MAPK8IP3: variants seen among roughly 807,000 people sequenced by gnomAD.
The protein encoded by MAPK8IP3 is C-Jun-amino-terminal kinase-interacting protein 3.
A neutral mutation model predicts 157.8 loss-of-function variants in MAPK8IP3; 49 were observed. The observed-to-expected ratio is 0.31, with a 90% CI of 0.25 to 0.39. MAPK8IP3 has a LOEUF of 0.39. Among genes scored for constraint, MAPK8IP3 ranks in the 10% least tolerant of loss-of-function variants. The pLI, the probability that MAPK8IP3 is intolerant of heterozygous loss-of-function variation, is 1.00. For missense variants in MAPK8IP3, 1,478 were observed against 1,889.4 expected (o/e 0.78, Z 4.04); for synonymous variants, 897 against 777.7 (o/e 1.15, Z -2.55).
chr16:1,739,903 CCT>C (rs1268994830), intron 4 of MAPK8IP3, among the ~76,000 whole-genome samples: 1 of 82,438 alleles, frequency 1.2e-5, no homozygotes, highest in Non-Finnish European at 2.3e-5. Flanking sequence ...TGTGAGCATC[CCT>C]GTGACCGTCC....
At chr16:1,762,543 T>A in intron 14 of MAPK8IP3, 62 bp downstream of exon 14, 1 of 1,598,926 alleles carries the variant, frequency 6.3e-7, no homozygotes, top group Non-Finnish European at 8.5e-7. Flanking sequence ...GGACTGCGGC[T>A]CCCTCCTCTG....
intron 4 of MAPK8IP3, among the ~76,000 whole-genome samples, chr16:1,738,837 G>C (rs1299628955): frequency 4.2e-5 from 6 of 143,032 alleles, no homozygotes; most frequent in Non-Finnish European, 6.1e-5. Flanking sequence ...GTCCGTGTGA[G>C]CGTCCGTGTG....
intron 1 of MAPK8IP3, among the ~76,000 whole-genome samples, chr16:1,716,124 C>A (rs1220762750): frequency 1.3e-5 from 2 of 152,130 alleles, no homozygotes; most frequent in African/African-American, 4.8e-5. Context: ...AAGAACTTTC[C>A]TGGCCATTGC....
chr16:1,748,579 T>A, intron 7 of MAPK8IP3, 23 bp from the exon 8 acceptor site: 2 of 1,592,008 alleles, frequency 1.3e-6, no homozygotes, highest in Non-Finnish European at 8.6e-7. Flanking sequence ...CTGCTCTCTC[T>A]CCCGACCTGT....
intron 4 of MAPK8IP3, among the ~76,000 whole-genome samples, chr16:1,735,919 C>T (rs1255322489): frequency 1.4e-4 from 15 of 104,590 alleles, no homozygotes; most frequent in Admixed American, 3.3e-4. Context: ...TGTGACCATC[C>T]GTGAGCATCC....
Position 1,710,997 on chromosome 16 carries a change from G to T in MAPK8IP3, c.318+4340G>T, listed in dbSNP as rs549461081. On this transcript the variant is annotated intron_variant, in intron 1 of 31. Coordinates refer to ENST00000610761, the MANE Select transcript of MAPK8IP3 (RefSeq NM_001318852.2). This position sits in a 1 kb window ranked among gnomAD's most constrained non-coding sequence, Gnocchi z 4.1. ...CAGAGGCCGAAGTGGCCCGGAGGCCGCTGGGCGCAGCCTGCCCCTCTGCCG... is the reference window on the plus strand; with the variant it reads ...CAGAGGCCGAAGTGGCCCGGAGGCCTCTGGGCGCAGCCTGCCCCTCTGCCG... Among the ~76,000 whole-genome samples the T allele has an allele frequency of 6.6e-6, 1 of 152,230 alleles. No individual in the cohort carries two copies. The highest frequency in any genetic ancestry group is 1.5e-5 in the Non-Finnish European group (1 of 68,046).
At chr16:1,737,673 C>T (rs1397304817) in intron 4 of MAPK8IP3, among the ~76,000 whole-genome samples, 15 of 48,466 alleles carry the variant, frequency 3.1e-4, no homozygotes, top group East Asian at 8.3e-4. Flanking sequence ...TCCGTGTGAG[C>T]GTGTGACCGT....
intron 1 of MAPK8IP3, among the ~76,000 whole-genome samples, chr16:1,721,894 C>T (rs542542501): frequency 1.2e-4 from 19 of 152,230 alleles, no homozygotes; most frequent in Admixed American, 4.6e-4. Flanking sequence ...CTCGCCCTCC[C>T]GAGTAGCTGG....
intron 15 of MAPK8IP3, 21 bp from the exon 16 acceptor site, chr16:1,762,815 A>G (rs1359022747): frequency 6.2e-7 from 1 of 1,607,982 alleles, no homozygotes; most frequent in African/African-American, 1.3e-5. Context: ...CCCACCCCTC[A>G]CCTCCCTGTG....
intron 5 of MAPK8IP3, chr16:1,746,605 C>T (rs529471976): frequency 2.5e-5 from 5 of 203,560 alleles, no homozygotes; most frequent in East Asian, 1.4e-4. Context: ...GACGGGGCAG[C>T]GGTGGCGGCA....
chr16:1,709,253 G>A lies in MAPK8IP3; in HGVS notation c.318+2596G>A, dbSNP rs531599022. On this transcript the variant is annotated intron_variant, in intron 1 of 31. Transcript: ENST00000610761. ...TGATAACAGGCAGCTGAGTGTATGA[G>A]AGTGACAGGAGCTAGAGAGGGTGGG... 1.9e-4 allele frequency among the ~76,000 whole-genome samples: 29 copies of A among 152,348 alleles called. No individual in the cohort carries two copies. The East Asian group carries it at 5.4e-3, about 28-fold the overall frequency.
chr16:1,718,188 A>AT (rs34304224), intron 1 of MAPK8IP3, among the ~76,000 whole-genome samples: 18,513 of 139,426 alleles, frequency 0.13, 1,739 homozygotes, highest in African/African-American at 0.28. Context: ...GAAGTAAATG[A>AT]TTTTTTTTTT....
intron 4 of MAPK8IP3, among the ~76,000 whole-genome samples, chr16:1,730,574 C>T (rs188160910): frequency 1.6e-4 from 24 of 151,762 alleles, no homozygotes; most frequent in African/African-American, 5.3e-4. Context: ...CCCATCTCTA[C>T]GAAACACTCC....
chr16:1,735,804 TGTGTGACCATCC>T (rs2039702331), intron 4 of MAPK8IP3, among the ~76,000 whole-genome samples: 1 of 115,186 alleles, frequency 8.7e-6, no homozygotes, highest in South Asian at 3.1e-4. Context: ...TGTGAGCATC[TGTGTGACCATCC>T]GTGTGACCGT....
chr16:1,766,351 A>G lies in MAPK8IP3; in HGVS notation c.2761A>G (p.Thr921Ala), dbSNP rs2042259847. ...ETATLRPGPL[T>A]EHVFTDPAPT... ...AGCCACATTGCGGCCCGGGCCTCTC[A>G]CAGAGCACGTCTTCACTGACCCAGC... The change falls in exon 22 of 32, where the codon ACA (threonine) becomes GCA (alanine). Residue 921 changes from threonine (T) to alanine (A), a missense_variant. Physicochemically the swap from Thr to Ala is moderately conservative, Grantham distance 58 (BLOSUM62 0). This residue lies in a region of MAPK8IP3 where 669 missense variants were observed against 759.8 expected (regional missense o/e 0.88). Coordinates refer to ENST00000610761, the MANE Select transcript of MAPK8IP3 (RefSeq NM_001318852.2). 2 of 1,612,634 alleles carry G rather than the reference A, an allele frequency of 1.2e-6. No individual in the cohort carries two copies. The highest frequency in any genetic ancestry group is 2.2e-5 in the East Asian group (1 of 44,872).
At chr16:1,735,448 ACC>A (rs2039624501) in intron 4 of MAPK8IP3, among the ~76,000 whole-genome samples, 2 of 132,778 alleles carry the variant, frequency 1.5e-5, no homozygotes, top group African/African-American at 6.2e-5. Flanking sequence ...CATCCGTGTG[ACC>A]GTCCGTGTGA....
chr16:1,763,573 C>T lies in MAPK8IP3; in HGVS notation c.1899-84C>T, dbSNP rs1041143572. The T allele has an allele frequency of 1.2e-5, 16 of 1,382,220 alleles. No homozygotes were observed. The Admixed American group carries it at 2.0e-4, about 17-fold the overall frequency. The allele number at this position is 1,382,220 out of a possible 1,614,324, so 85.6% of individuals were successfully genotyped here. Reference sequence around the variant, plus strand: ...GATGGGCCCAGGCGGGCCTCCCTGCCGTGACCTCCCCCAGGACAAGCCTGG... The same window carrying T: ...GATGGGCCCAGGCGGGCCTCCCTGCTGTGACCTCCCCCAGGACAAGCCTGG... On this transcript the variant is annotated intron_variant, in intron 16 of 31. Transcript: ENST00000610761.
At chr16:1,712,398 C>G (rs977769155) in intron 1 of MAPK8IP3, among the ~76,000 whole-genome samples, 1 of 152,076 alleles carries the variant, frequency 6.6e-6, no homozygotes, top group Non-Finnish European at 1.5e-5. Flanking sequence ...CTTTTCATCT[C>G]CTTTGCTGCC....
chr16:1,769,788 C>G lies in MAPK8IP3; in HGVS notation c.*964C>G, dbSNP rs1282916489. On this transcript the variant is annotated 3_prime_UTR_variant, in exon 32 of 32. Coordinates refer to ENST00000610761, the MANE Select transcript of MAPK8IP3 (RefSeq NM_001318852.2). ...GCACGGGGCTCCACGGAGCCCAGCTCCCAGACACGCTACTAAGTGCCTAGG... is the reference window on the plus strand; with the variant it reads ...GCACGGGGCTCCACGGAGCCCAGCTGCCAGACACGCTACTAAGTGCCTAGG... 3.9e-5 allele frequency: 6 copies of G among 152,832 alleles called. No homozygotes were observed. Among genetic ancestry groups the G allele is most frequent in the African/African-American group, 1.2e-4 (5 of 41,454 alleles). 9.5% of individuals were successfully genotyped at this position (152,832 alleles called of 1,614,324 possible).
Sources: allele counts gnomAD v4.1 joint callset (sites outside exome capture counted in the v4.1 genomes callset), GRCh38; gene constraint gnomAD v4.1.1; regional missense constraint gnomAD v4.1.1; non-coding constraint Gnocchi (gnomAD v3.1); transcripts MANE v1.5; gene names NCBI Gene and HGNC (gene_info 2026-07-23, HGNC 2026-07-21).